MAGI2: variants seen among roughly 807,000 people sequenced by gnomAD.
MAGI2 encodes the protein membrane associated guanylate kinase, WW and PDZ domain containing 2, also known as membrane-associated guanylate kinase, WW and PDZ domain-containing protein 2.
MAGI2 carries 35 observed loss-of-function variants against 133.3 expected under a neutral mutation model. The ratio of observed to expected loss-of-function variants is 0.26; its 90% CI spans 0.20 to 0.35. The LOEUF is 0.35. Among genes scored for constraint, MAGI2 ranks in the 10% least tolerant of loss-of-function variants. The pLI is 1.00. For missense variants in MAGI2, 1,636 were observed against 1,863.4 expected (o/e 0.88, Z 2.25); for synonymous variants, 729 against 710.6 (o/e 1.03, Z -0.41).
In MAGI2 at chr7:79,039,865, A is replaced by ATAATATATATG. The variant is rs1269022597; in HGVS notation, c.302-32670_302-32660dup. 2.2e-4 allele frequency among the ~76,000 whole-genome samples: 32 copies of ATAATATATATG among 145,146 alleles called. No individual in the cohort carries two copies. In the South Asian group the frequency reaches 6.3e-3, roughly 29 times the overall value. ...ATATATACATATATATTATATATAT[A>ATAATATATATG]TAATATATATGTATATATAATATAT... On this transcript the variant is annotated intron_variant, in intron 1 of 21. Coordinates refer to ENST00000354212, the MANE Select transcript of MAGI2 (RefSeq NM_012301.4).
At chr7:78,573,377 T>TATATATATATAG (rs1801922539) in intron 3 of MAGI2, among the ~76,000 whole-genome samples, 1 of 17,996 alleles carries the variant, frequency 5.6e-5, no homozygotes, top group Non-Finnish European at 1.1e-4. Flanking sequence ...TATATATATA[T>TATATATATATAG]ATATATATAT....
chr7:78,402,262 C>T (rs891078592), intron 6 of MAGI2, among the ~76,000 whole-genome samples: 23 of 143,228 alleles, frequency 1.6e-4, no homozygotes, highest in Admixed American at 7.0e-4. Flanking sequence ...GGGGTGTGTG[C>T]GTGTGTGTCC....
chr7:79,338,253 T>C (rs201819450), intron 1 of MAGI2, among the ~76,000 whole-genome samples: 1 of 152,282 alleles, frequency 6.6e-6, no homozygotes, highest in East Asian at 1.9e-4. Flanking sequence ...AGCTTTGCTG[T>C]TGCAGGTGCA....
At chr7:79,120,235 C>G (rs150343324) in intron 1 of MAGI2, among the ~76,000 whole-genome samples, 2 of 152,004 alleles carry the variant, frequency 1.3e-5, no homozygotes. Context: ...ATGTATGCAA[C>G]ACACCTGTTT....
intron 1 of MAGI2, among the ~76,000 whole-genome samples, chr7:79,183,305 A>G (rs1826777943): frequency 6.6e-6 from 1 of 151,836 alleles, no homozygotes; most frequent in Non-Finnish European, 1.5e-5. Flanking sequence ...GAAATTTCTC[A>G]TGGACCCCAT....
chr7:79,373,430 T>C (rs1197859005), intron 1 of MAGI2, among the ~76,000 whole-genome samples: 1 of 151,996 alleles, frequency 6.6e-6, no homozygotes, highest in Non-Finnish European at 1.5e-5. Context: ...TATCCTATAA[T>C]TTAATAACAT....
chr7:78,696,639 G>A (rs1817541216), intron 2 of MAGI2, among the ~76,000 whole-genome samples: 1 of 151,756 alleles, frequency 6.6e-6, no homozygotes, highest in Non-Finnish European at 1.5e-5. Flanking sequence ...AAAGTAACAG[G>A]CTTCTTTTAT....
intron 1 of MAGI2, among the ~76,000 whole-genome samples, chr7:79,141,464 A>T (rs893352573): frequency 6.6e-6 from 1 of 152,144 alleles, no homozygotes; most frequent in Non-Finnish European, 1.5e-5. Context: ...TTCAGAGCCA[A>T]ATTTATTCTT....
At chr7:79,368,161 C>G (rs1417548701) in intron 1 of MAGI2, among the ~76,000 whole-genome samples, 1 of 151,886 alleles carries the variant, frequency 6.6e-6, no homozygotes, top group Non-Finnish European at 1.5e-5. Context: ...CCTGAGAGTC[C>G]TTTTCATCAT....
At chr7:78,244,051 T>C (rs1012246306) in intron 10 of MAGI2, among the ~76,000 whole-genome samples, 4 of 149,820 alleles carry the variant, frequency 2.7e-5, no homozygotes, top group Admixed American at 6.7e-5. Flanking sequence ...GGGCCAGGCA[T>C]GGTGGCTCAC....
At chr7:78,369,241 A>G (rs371662539) in intron 6 of MAGI2, 28 bp from the exon 7 acceptor site, 482 of 1,432,586 alleles carry the variant, frequency 3.4e-4, no homozygotes, top group Non-Finnish European at 4.4e-4. Flanking sequence ...CTTTCAGTAA[A>G]TAAAGAATAT....
intron 1 of MAGI2, among the ~76,000 whole-genome samples, chr7:79,083,712 C>G (rs2129542044): frequency 6.6e-6 from 1 of 151,746 alleles, no homozygotes; most frequent in South Asian, 2.1e-4. Context: ...GCCTCCTCTT[C>G]CATTTTTAAG....
intron 9 of MAGI2, among the ~76,000 whole-genome samples, chr7:78,321,097 C>T (rs993530500): frequency 1.2e-4 from 18 of 152,136 alleles, no homozygotes; most frequent in African/African-American, 4.1e-4. Flanking sequence ...GAACTACAAA[C>T]CACTGCTCAA....
chr7:79,293,754 A>G (rs1836685565), intron 1 of MAGI2, among the ~76,000 whole-genome samples: 1 of 152,200 alleles, frequency 6.6e-6, no homozygotes, highest in Non-Finnish European at 1.5e-5. Context: ...CTGGCTCCAA[A>G]GCCTACACCG....
At chr7:78,255,118 G>A (rs1792833092) in intron 10 of MAGI2, 1 of 152,230 alleles carries the variant, frequency 6.6e-6, no homozygotes, top group African/African-American at 2.4e-5. Flanking sequence ...TCTCTCTCTA[G>A]GTTCACTGGT....
chr7:78,540,045 C>T (rs998835205), intron 3 of MAGI2, among the ~76,000 whole-genome samples: 12 of 152,296 alleles, frequency 7.9e-5, no homozygotes, highest in Admixed American at 2.6e-4. Context: ...CTTTCAAGAG[C>T]GCATCAGCTG....
intron 10 of MAGI2, among the ~76,000 whole-genome samples, chr7:78,207,370 C>G (rs1563261450): frequency 6.6e-6 from 1 of 152,106 alleles, no homozygotes; most frequent in African/African-American, 2.4e-5. Flanking sequence ...GGAAAAAAAG[C>G]CCCAGGGCTT....
chr7:78,673,557 G>A (rs1179238470), intron 2 of MAGI2, among the ~76,000 whole-genome samples: 2 of 152,024 alleles, frequency 1.3e-5, no homozygotes, highest in Non-Finnish European at 2.9e-5. Flanking sequence ...TAATGACAAA[G>A]GCCAAGAAGA....
At chr7:79,260,677 T>C (rs938996364) in intron 1 of MAGI2, among the ~76,000 whole-genome samples, 4 of 152,130 alleles carry the variant, frequency 2.6e-5, no homozygotes, top group African/African-American at 9.7e-5. Flanking sequence ...GTCAAAACAC[T>C]GTCAAAACTT....
Sources: allele counts gnomAD v4.1 joint callset (sites outside exome capture counted in the v4.1 genomes callset), GRCh38; gene constraint gnomAD v4.1.1; transcripts MANE v1.5; gene names NCBI Gene and HGNC (gene_info 2026-07-23, HGNC 2026-07-21).